The following MIPOL1 variants were observed in gnomAD, a reference collection of about 807,000 sequenced individuals.
MIPOL1 encodes mirror-image polydactyly gene 1 protein.
Under a neutral mutation model 60.9 loss-of-function variants are expected in MIPOL1, and 57 were observed. The ratio of observed to expected loss-of-function variants is 0.94; its 90% CI spans 0.76 to 1.17. The LOEUF is 1.17. Among genes scored for constraint, MIPOL1 ranks in the 50% most tolerant of loss-of-function variants. MIPOL1 has a pLI of 0.00. For synonymous variants in MIPOL1, 179 were observed against 168.8 expected (o/e 1.06, Z -0.47); for missense variants, 551 against 511.6 (o/e 1.08, Z -0.74).
chr14:37,551,644 G>T (rs1320353346), downstream of MIPOL1: 1 of 151,708 alleles, frequency 6.6e-6, no homozygotes, highest in Non-Finnish European at 1.5e-5. Flanking sequence ...AGGCCGAGGC[G>T]GGCGGATCAC....
At chr14:37,256,517 G>A (rs1379729910) in intron 3 of MIPOL1, among the ~76,000 whole-genome samples, 2 of 151,926 alleles carry the variant, frequency 1.3e-5, no homozygotes, top group Non-Finnish European at 2.9e-5. Flanking sequence ...CAAATTTGGA[G>A]TCACTGAAGC....
intron 9 of MIPOL1, among the ~76,000 whole-genome samples, chr14:37,322,521 T>A (rs1482751678): frequency 6.6e-6 from 1 of 152,050 alleles, no homozygotes; most frequent in East Asian, 1.9e-4. Context: ...AAACTTGTAC[T>A]TGGCTCAGGA....
chr14:37,490,814 G>A (rs550949254), intron 11 of MIPOL1, among the ~76,000 whole-genome samples: 1 of 152,118 alleles, frequency 6.6e-6, no homozygotes, highest in African/African-American at 2.4e-5. Flanking sequence ...GATGAACCAG[G>A]TACCTCAGTA....
At chr14:37,362,781 A>G (rs535241493) in intron 9 of MIPOL1, among the ~76,000 whole-genome samples, 1 of 152,216 alleles carries the variant, frequency 6.6e-6, no homozygotes, top group Admixed American at 6.5e-5. Flanking sequence ...ACATGGTCCC[A>G]TATTTCTTGG....
At chr14:37,364,401 G>T (rs1384797242) in intron 9 of MIPOL1, among the ~76,000 whole-genome samples, 2 of 152,132 alleles carry the variant, frequency 1.3e-5, no homozygotes, top group Admixed American at 6.5e-5. Flanking sequence ...TTTGATTTTT[G>T]TATATGGCAA....
rs1964600668 is a variant in MIPOL1, at chr14:37,197,952, C to T, written c.-351C>T. 1 of 152,214 alleles carries T rather than the reference C, an allele frequency of 6.6e-6. No individual in the cohort carries two copies. Among genetic ancestry groups the T allele is most frequent in the South Asian group, 2.1e-4 (1 of 4,844 alleles). 9.4% of individuals were successfully genotyped at this position (152,214 alleles called of 1,614,324 possible). A position where few individuals can be genotyped will look rare whatever the true frequency, so the allele number is the denominator to read the frequency against. On this transcript the variant is annotated 5_prime_UTR_variant, in exon 1 of 13. Coordinates refer to ENST00000684589, the MANE Select transcript of MIPOL1 (RefSeq NM_001388067.1). Reference sequence around the variant, plus strand: ...GCCGCCCCGTAGGCCCCACGCGCCGCCCCGCTCCTCCGCCGGATCGTCTGT... The same window carrying T: ...GCCGCCCCGTAGGCCCCACGCGCCGTCCCGCTCCTCCGCCGGATCGTCTGT...
chr14:37,380,256 A>C (rs2153508080), intron 10 of MIPOL1, among the ~76,000 whole-genome samples: 1 of 152,244 alleles, frequency 6.6e-6, no homozygotes, highest in African/African-American at 2.4e-5. Context: ...GGTTTCTAAC[A>C]GCGTTCTGTT....
At chr14:37,344,067 TAG>T (rs1235249822) in intron 9 of MIPOL1, among the ~76,000 whole-genome samples, 1 of 152,154 alleles carries the variant, frequency 6.6e-6, no homozygotes, top group East Asian at 1.9e-4. Context: ...CAGAAATATA[TAG>T]ACTCTTGTTT....
At position 37,402,231 on chromosome 14, in the gene MIPOL1, A is replaced by G. The variant is rs74796834; in HGVS notation, c.937-20624A>G. Reference sequence around the variant, plus strand: ...AGACATCTTCCTGATTTTAAGGTATACATTTATATTTATTATTGAAAACAT... The same window carrying G: ...AGACATCTTCCTGATTTTAAGGTATGCATTTATATTTATTATTGAAAACAT... On this transcript the variant is annotated intron_variant, in intron 10 of 12. Transcript: ENST00000684589. Among the ~76,000 whole-genome samples, 725 of 152,276 alleles carry G rather than the reference A, an allele frequency of 4.8e-3. 4 individuals are homozygous for G. Among genetic ancestry groups the G allele is most frequent in the African/African-American group, 0.015 (642 of 41,556 alleles).
At chr14:37,258,383 C>G (rs775060436) in intron 3 of MIPOL1, among the ~76,000 whole-genome samples, 6 of 151,894 alleles carry the variant, frequency 4.0e-5, no homozygotes, top group Non-Finnish European at 7.4e-5. Flanking sequence ...AGGACTTTTC[C>G]AGTTCACTCG....
chr14:37,431,796 A>G (rs974038785), intron 11 of MIPOL1, among the ~76,000 whole-genome samples: 1 of 150,990 alleles, frequency 6.6e-6, no homozygotes, highest in Admixed American at 6.6e-5. Flanking sequence ...CATGTTAGCC[A>G]GGATGGTCTC....
chr14:37,477,195 C>T (rs55881111), intron 11 of MIPOL1, among the ~76,000 whole-genome samples: 57,506 of 151,690 alleles, frequency 0.38, 13,134 homozygotes, highest in Non-Finnish European at 0.51. Flanking sequence ...CCACTGCACC[C>T]GGCCTCTTAA....
chr14:37,324,927 C>T (rs2088987913), intron 9 of MIPOL1, among the ~76,000 whole-genome samples: 1 of 152,084 alleles, frequency 6.6e-6, no homozygotes, highest in East Asian at 1.9e-4. Flanking sequence ...ATGCTAATGT[C>T]ACACTGCATT....
intron 12 of MIPOL1, among the ~76,000 whole-genome samples, chr14:37,533,537 C>G (rs886491598): frequency 3.9e-5 from 6 of 152,142 alleles, no homozygotes; most frequent in Non-Finnish European, 8.8e-5. Flanking sequence ...TCAAGATACT[C>G]TATAAGCCTT....
chr14:37,280,636 G>A (rs2084027457), intron 6 of MIPOL1, among the ~76,000 whole-genome samples: 1 of 151,892 alleles, frequency 6.6e-6, no homozygotes, highest in African/African-American at 2.4e-5. Flanking sequence ...TATTTGTTAG[G>A]TTCTTTGCCC....
At chr14:37,358,989 C>A (rs952686640) in intron 9 of MIPOL1, among the ~76,000 whole-genome samples, 1 of 152,116 alleles carries the variant, frequency 6.6e-6, no homozygotes, top group Non-Finnish European at 1.5e-5. Context: ...AGTCTTTAAT[C>A]CATCTTGAAT....
At chr14:37,524,054 A>G (rs750822122) in intron 12 of MIPOL1, among the ~76,000 whole-genome samples, 1 of 152,168 alleles carries the variant, frequency 6.6e-6, no homozygotes, top group Admixed American at 6.5e-5. Flanking sequence ...GCAGAGTCAG[A>G]TCTTATAGAA....
At chr14:37,363,217 TC>T (rs2092344587) in intron 9 of MIPOL1, among the ~76,000 whole-genome samples, 1 of 152,222 alleles carries the variant, frequency 6.6e-6, no homozygotes, top group African/African-American at 2.4e-5. Context: ...TTTCAGCTTT[TC>T]TGCTCTGGTT....
chr14:37,222,024 A>G (rs925590619), intron 1 of MIPOL1, among the ~76,000 whole-genome samples: 43 of 152,168 alleles, frequency 2.8e-4, no homozygotes, highest in African/African-American at 9.9e-4. Context: ...AATCAGATAC[A>G]GTTGAAACTC....
Sources: gnomAD v4.1 joint callset for allele counts (sites outside exome capture counted in the v4.1 genomes callset) on GRCh38, gnomAD v4.1.1 for gene constraint, MANE v1.5 for transcripts, NCBI Gene and HGNC (gene_info 2026-07-23, HGNC 2026-07-21) for gene names.